Variants in FRMPD4 observed in about 807,000 individuals in gnomAD.
The protein encoded by FRMPD4 is FERM and PDZ domain-containing protein 4.
In FRMPD4, 22 loss-of-function variants were observed where a neutral mutation model predicts 94.1. The observed-to-expected ratio is 0.23, with a 90% CI of 0.17 to 0.33. FRMPD4 has a LOEUF of 0.33. FRMPD4 is among the 10% of genes least tolerant of loss of function. The pLI, the probability that FRMPD4 is intolerant of heterozygous loss-of-function variation, is 1.00. For synonymous variants in FRMPD4, 631 were observed against 548.6 expected (o/e 1.15, Z -2.10); for missense variants, 1,111 against 1,339.9 (o/e 0.83, Z 2.67).
intron 1 of FRMPD4, among the ~76,000 whole-genome samples, chrX:12,233,088 T>C (rs2057030981): frequency 8.9e-6 from 1 of 112,220 alleles, no homozygotes; most frequent in Non-Finnish European, 1.9e-5. Flanking sequence ...TACGCTCTTG[T>C]TCCTTGCTCA....
chrX:12,067,897 G>C (rs2054935033), intron 3 of FRMPD4, among the ~76,000 whole-genome samples: 1 of 111,533 alleles, frequency 9.0e-6, no homozygotes, highest in South Asian at 3.8e-4. Context: ...CCTAATCCCA[G>C]AACCAGTAAA....
intron 3 of FRMPD4, among the ~76,000 whole-genome samples, chrX:12,105,105 C>T (rs927395263): frequency 8.1e-5 from 9 of 111,461 alleles, no homozygotes; most frequent in East Asian, 2.8e-4. Context: ...CTCACACTTA[C>T]GACTCCTTCC....
At chrX:11,963,925 A>G (rs2054296502) in intron 3 of FRMPD4, among the ~76,000 whole-genome samples, 1 of 111,570 alleles carries the variant, frequency 9.0e-6, no homozygotes, top group Non-Finnish European at 1.9e-5. Context: ...GGGATAATGT[A>G]GTCCAACCAT....
chrX:11,894,825 G>A (rs1437743133), intron 3 of FRMPD4, among the ~76,000 whole-genome samples: 1 of 112,079 alleles, frequency 8.9e-6, no homozygotes, highest in South Asian at 3.7e-4. Flanking sequence ...GGAACCACAC[G>A]TGGCTAGCAA....
At chrX:12,290,211 G>A (rs1423138920) in intron 1 of FRMPD4, among the ~76,000 whole-genome samples, 4 of 112,022 alleles carry the variant, frequency 3.6e-5, no homozygotes, top group African/African-American at 6.5e-5. Flanking sequence ...CATGCTGTAC[G>A]GAGCAGAGGT....
chrX:11,990,250 A>G (rs2054456521), intron 3 of FRMPD4, among the ~76,000 whole-genome samples: 1 of 112,190 alleles, frequency 8.9e-6, no homozygotes, highest in African/African-American at 3.2e-5. Context: ...AAATATCCAT[A>G]ATAGGCAAAC....
intron 3 of FRMPD4, among the ~76,000 whole-genome samples, chrX:11,959,292 C>A (rs909635701): frequency 2.1e-4 from 24 of 111,918 alleles, no homozygotes; most frequent in African/African-American, 7.8e-4. Context: ...ACAGACACTT[C>A]AAGGCAGTGG....
At chrX:11,946,528 A>G (rs2054190019) in intron 3 of FRMPD4, among the ~76,000 whole-genome samples, 1 of 111,757 alleles carries the variant, frequency 8.9e-6, no homozygotes, top group African/African-American at 3.3e-5. Flanking sequence ...AACTCTGACC[A>G]GCAACACCCC....
chrX:12,411,893 C>G (rs59039824), intron 1 of FRMPD4, among the ~76,000 whole-genome samples: 6,536 of 111,532 alleles, frequency 0.059, 432 homozygotes, highest in African/African-American at 0.19. Context: ...CTGGATACCA[C>G]TGACTTGAAG....
At chrX:12,151,842 T>C (rs2055855569) in intron 1 of FRMPD4, among the ~76,000 whole-genome samples, 1 of 112,208 alleles carries the variant, frequency 8.9e-6, no homozygotes, top group African/African-American at 3.2e-5. Flanking sequence ...TTGCTTTGGA[T>C]AACAATGTGA....
intron 3 of FRMPD4, among the ~76,000 whole-genome samples, chrX:11,998,379 C>A (rs2054507598): frequency 1.8e-5 from 2 of 111,350 alleles, no homozygotes; most frequent in African/African-American, 6.5e-5. Flanking sequence ...GGAAGCAGAA[C>A]CAAAGGTTTT....
intron 2 of FRMPD4, among the ~76,000 whole-genome samples, chrX:12,511,497 A>G (rs2058041995): frequency 8.9e-6 from 1 of 111,932 alleles, no homozygotes; most frequent in Non-Finnish European, 1.9e-5. Flanking sequence ...ATAATAACAG[A>G]ACAGAAAAAA....
intron 1 of FRMPD4, among the ~76,000 whole-genome samples, chrX:12,477,080 G>C (rs1402936305): frequency 8.9e-6 from 1 of 111,930 alleles, no homozygotes; most frequent in Non-Finnish European, 1.9e-5. Context: ...GATAGACTAG[G>C]TTAAGAAAAT....
At position 11,872,585 on chromosome X, in the gene FRMPD4, G is replaced by A. The variant is rs748289917; in HGVS notation, c.-29-5310G>A. Among the ~76,000 whole-genome samples the A allele has an allele frequency of 3.6e-5, 4 of 112,133 alleles. No individual in the cohort carries two copies. The South Asian group carries it at 1.1e-3, about 31-fold the overall frequency. On this transcript the variant is annotated intron_variant, in intron 2 of 18. Coordinates refer to the FRMPD4 transcript ENST00000640291. Reference sequence around the variant, plus strand: ...GAAAAAGAAAGATAAATGACAGCACGTAGATAACACAAAAGTAGAGCCAAC... The same window carrying A: ...GAAAAAGAAAGATAAATGACAGCACATAGATAACACAAAAGTAGAGCCAAC...
At chrX:12,107,668 C>A (rs1400627116) in intron 3 of FRMPD4, among the ~76,000 whole-genome samples, 1 of 111,166 alleles carries the variant, frequency 9.0e-6, no homozygotes. Flanking sequence ...GAAGATGAAA[C>A]CTTGAAAAAA....
intron 3 of FRMPD4, among the ~76,000 whole-genome samples, chrX:12,102,993 A>G (rs1342227345): frequency 9.0e-6 from 1 of 111,495 alleles, no homozygotes. Flanking sequence ...GTCTTTTGTC[A>G]TATCAGGTAT....
chrX:11,971,840 T>C (rs749101445), intron 3 of FRMPD4, among the ~76,000 whole-genome samples: 1 of 112,646 alleles, frequency 8.9e-6, no homozygotes, highest in African/African-American at 3.2e-5. Context: ...CTGTAAGATG[T>C]ATTTCACTTC....
At chrX:12,303,177 T>A (rs2054886635) in intron 1 of FRMPD4, among the ~76,000 whole-genome samples, 1 of 112,135 alleles carries the variant, frequency 8.9e-6, no homozygotes, top group Admixed American at 9.5e-5. Flanking sequence ...ATGTAAAGAA[T>A]TTCAGCATTG....
At chrX:12,012,786 G>A (rs1237622386) in intron 3 of FRMPD4, among the ~76,000 whole-genome samples, 1 of 112,248 alleles carries the variant, frequency 8.9e-6, no homozygotes, top group African/African-American at 3.2e-5. Context: ...AAAAAATGTA[G>A]TTTATTGATT....
Sources: gnomAD v4.1 joint callset for allele counts (sites outside exome capture counted in the v4.1 genomes callset) on GRCh38, gnomAD v4.1.1 for gene constraint, MANE v1.5 for transcripts, NCBI Gene and HGNC (gene_info 2026-07-23, HGNC 2026-07-21) for gene names.